The following CERS6 variants were observed in gnomAD, a reference collection of about 807,000 sequenced individuals.
CERS6 encodes LAG1 homolog, ceramide synthase 6.
In CERS6, 26 loss-of-function variants were observed where a neutral mutation model predicts 56.8. The ratio of observed to expected loss-of-function variants is 0.46; its 90% CI spans 0.34 to 0.63. The LOEUF is 0.63. Among genes scored for constraint, CERS6 ranks in the 30% least tolerant of loss-of-function variants. The pLI is 0.01. For missense variants in CERS6, 415 were observed against 467.5 expected, an observed-to-expected ratio of 0.89 and a Z score of 1.04; for synonymous variants, 164 against 173.3, an observed-to-expected ratio of 0.95 and a Z score of 0.42.
chr2:168,668,769 T>C (rs1323367890), intron 4 of CERS6, among the ~76,000 whole-genome samples: 1 of 152,234 alleles, frequency 6.6e-6, no homozygotes, highest in African/African-American at 2.4e-5. Flanking sequence ...TCTAATCTTT[T>C]ATCAATTTAG....
chr2:168,477,840 G>A (rs1445379673), intron 1 of CERS6, among the ~76,000 whole-genome samples: 1 of 152,198 alleles, frequency 6.6e-6, no homozygotes, highest in East Asian at 1.9e-4. Context: ...TTTAACTTGC[G>A]CTTTTTAAAA....
chr2:168,569,027 G>C (rs1695934482), intron 3 of CERS6, among the ~76,000 whole-genome samples: 1 of 152,192 alleles, frequency 6.6e-6, no homozygotes, highest in Non-Finnish European at 1.5e-5. Flanking sequence ...CCTAACATTT[G>C]CTTGTAGTGG....
At chr2:168,485,780 A>G (rs532107739) in intron 1 of CERS6, among the ~76,000 whole-genome samples, 1 of 152,304 alleles carries the variant, frequency 6.6e-6, no homozygotes, top group South Asian at 2.1e-4. Context: ...AGTTTTGGCA[A>G]TTATGAATGA....
At chr2:168,657,418 C>G (rs1281203980) in intron 4 of CERS6, among the ~76,000 whole-genome samples, 3 of 152,276 alleles carry the variant, frequency 2.0e-5, no homozygotes, top group African/African-American at 7.2e-5. Flanking sequence ...AGCTGCCTGC[C>G]AGTCCTGCGC....
chr2:168,728,171 G>C (rs529415836), intron 8 of CERS6, among the ~76,000 whole-genome samples: 2 of 152,246 alleles, frequency 1.3e-5, no homozygotes, highest in African/African-American at 4.8e-5. Flanking sequence ...GCATGGCTGA[G>C]TAGTTGTGAC....
chr2:168,629,151 G>A (rs1210042574), intron 3 of CERS6, among the ~76,000 whole-genome samples: 1 of 152,154 alleles, frequency 6.6e-6, no homozygotes, highest in Non-Finnish European at 1.5e-5. Context: ...GAATCTATGT[G>A]TTATGAAAAC....
At chr2:168,552,990 A>G (rs149570546) in intron 2 of CERS6, among the ~76,000 whole-genome samples, 402 of 152,322 alleles carry the variant, frequency 2.6e-3, no homozygotes, top group African/African-American at 9.0e-3. Flanking sequence ...TCTGTGAAGG[A>G]AGATCACAGA....
intron 8 of CERS6, among the ~76,000 whole-genome samples, chr2:168,752,068 G>A (rs1684286617): frequency 6.6e-6 from 1 of 152,110 alleles, no homozygotes; most frequent in Non-Finnish European, 1.5e-5. Context: ...TGGTTAGGGA[G>A]GGAGTACCCA....
chr2:168,495,442 C>T (rs1694448915), intron 1 of CERS6, among the ~76,000 whole-genome samples: 3 of 152,304 alleles, frequency 2.0e-5, no homozygotes, highest in Non-Finnish European at 4.4e-5. Context: ...TTTCTGCTTT[C>T]AGACTGTCCC....
At chr2:168,574,666 G>A (rs1195753037) in intron 3 of CERS6, among the ~76,000 whole-genome samples, 1 of 151,812 alleles carries the variant, frequency 6.6e-6, no homozygotes, top group Non-Finnish European at 1.5e-5. Flanking sequence ...CATAGTCAGA[G>A]CTCAAGAAAA....
Position 168,456,394 on chromosome 2 carries a change from C to G in CERS6, c.-55C>G. ...GGCGCGCATCCCCGGGCGCCCTGCG[C>G]GGTGGAGAGCTTGGCGGGCTGCGGG... is the stretch of plus-strand genomic sequence containing the variant. On this transcript the variant is annotated 5_prime_UTR_variant, in exon 1 of 10. Transcript: ENST00000305747. The surrounding 1 kb of genome is among the most constrained non-coding windows in gnomAD (Gnocchi z 4.1). The G allele has an allele frequency of 6.9e-7, 1 of 1,444,480 alleles. No individual in the cohort carries two copies. Among genetic ancestry groups the G allele is most frequent in the Non-Finnish European group, 9.3e-7 (1 of 1,077,530 alleles). The allele number at this position is 1,444,480 out of a possible 1,614,324, so 89.5% of individuals were successfully genotyped here. A position where few individuals can be genotyped will look rare whatever the true frequency, so the allele number is the denominator to read the frequency against.
At chr2:168,550,875 C>G (rs1239950470) in intron 2 of CERS6, among the ~76,000 whole-genome samples, 1 of 152,186 alleles carries the variant, frequency 6.6e-6, no homozygotes, top group Admixed American at 6.5e-5. Context: ...ACTCGGCCCT[C>G]CACTGGGGGC....
chr2:168,470,745 C>A (rs915710281), intron 1 of CERS6, among the ~76,000 whole-genome samples: 4 of 152,126 alleles, frequency 2.6e-5, no homozygotes, highest in African/African-American at 9.7e-5. Context: ...GTTAACCAGA[C>A]AGGATTTCTA....
intron 1 of CERS6, among the ~76,000 whole-genome samples, chr2:168,517,978 A>G (rs1694913793): frequency 6.6e-6 from 1 of 152,262 alleles, no homozygotes; most frequent in Admixed American, 6.5e-5. Flanking sequence ...TGATGGCGAT[A>G]GAGCAGAGAT....
chr2:168,740,270 A>G (rs990775601), intron 8 of CERS6, among the ~76,000 whole-genome samples: 2 of 152,264 alleles, frequency 1.3e-5, no homozygotes, highest in Non-Finnish European at 2.9e-5. Context: ...TAGAAAAGAA[A>G]TGACTTTACT....
chr2:168,699,954 T>C (rs1352715174), intron 6 of CERS6, among the ~76,000 whole-genome samples: 1 of 152,274 alleles, frequency 6.6e-6, no homozygotes, highest in African/African-American at 2.4e-5. Context: ...CCTATGTCCC[T>C]TTTAACTAAG....
chr2:168,543,071 T>C (rs1377037178), intron 1 of CERS6, among the ~76,000 whole-genome samples: 1 of 152,250 alleles, frequency 6.6e-6, no homozygotes, highest in Non-Finnish European at 1.5e-5. Flanking sequence ...CAGAGATGTT[T>C]ACCTCATGTT....
intron 1 of CERS6, among the ~76,000 whole-genome samples, chr2:168,492,445 G>A (rs1010965931): frequency 6.6e-6 from 1 of 152,108 alleles, no homozygotes; most frequent in African/African-American, 2.4e-5. Flanking sequence ...CATATCCTTT[G>A]CCCACTTTTT....
chr2:168,608,872 C>A (rs1684117330), intron 3 of CERS6, among the ~76,000 whole-genome samples: 1 of 152,152 alleles, frequency 6.6e-6, no homozygotes, highest in Non-Finnish European at 1.5e-5. Flanking sequence ...GAATTCATAA[C>A]ATAGAAGAGA....
Sources: gnomAD v4.1 joint callset for allele counts (sites outside exome capture counted in the v4.1 genomes callset) on GRCh38, gnomAD v4.1.1 for gene constraint, Gnocchi (gnomAD v3.1) non-coding constraint, MANE v1.5 for transcripts, NCBI Gene and HGNC (gene_info 2026-07-23, HGNC 2026-07-21) for gene names.